The following RHBDL2 variants were observed in gnomAD, a reference collection of about 807,000 sequenced individuals.
RHBDL2 encodes rhomboid like 2.
In RHBDL2, 26 loss-of-function variants were observed where a neutral mutation model predicts 31.7. The ratio of observed to expected loss-of-function variants is 0.82; its 90% CI spans 0.60 to 1.14. RHBDL2 has a LOEUF of 1.14. Ranked by LOEUF, RHBDL2 falls within the 50% of genes most tolerant of loss-of-function variation. The probability of loss-of-function intolerance (pLI) is 0.00; values close to 1 mark genes in which losing one functional copy is unlikely to be tolerated. For synonymous variants in RHBDL2, 123 were observed against 127.2 expected, an observed-to-expected ratio of 0.97 and a Z score of 0.22; for missense variants, 336 against 364.4, an observed-to-expected ratio of 0.92 and a Z score of 0.63.
chr1:38,904,479 A>C (rs899045699), intron 4 of RHBDL2, among the ~76,000 whole-genome samples: 14 of 136,744 alleles, frequency 1.0e-4, no homozygotes, highest in African/African-American at 3.6e-4. Context: ...CTCAAAAAAA[A>C]AAGAAAAAAA....
At chr1:38,914,948 C>T (rs1270486462) in intron 3 of RHBDL2, among the ~76,000 whole-genome samples, 2 of 149,926 alleles carry the variant, frequency 1.3e-5, no homozygotes, top group East Asian at 4.2e-4. Flanking sequence ...AGAATCGCTC[C>T]AACCCAGGAG....
At chr1:38,912,910 A>ATATATATGTGTG (rs1399583863) in intron 3 of RHBDL2, among the ~76,000 whole-genome samples, 8 of 41,392 alleles carry the variant, frequency 1.9e-4, no homozygotes, top group African/African-American at 7.4e-4. Flanking sequence ...ATATATATAT[A>ATATATATGTGTG]TGTGTGTGTG....
intron 6 of RHBDL2, among the ~76,000 whole-genome samples, chr1:38,891,837 A>C (rs1312332571): frequency 6.6e-6 from 1 of 152,126 alleles, no homozygotes; most frequent in Non-Finnish European, 1.5e-5. Flanking sequence ...GACAGCCAAA[A>C]ACATCTTAGG....
chr1:38,929,858 G>A (rs1643422262), intron 1 of RHBDL2, among the ~76,000 whole-genome samples: 1 of 152,090 alleles, frequency 6.6e-6, no homozygotes, highest in Admixed American at 6.5e-5. Flanking sequence ...TGCTTTTTTA[G>A]CTACAGAAAT....
chr1:38,905,949 C>T (rs1027888360), intron 4 of RHBDL2, among the ~76,000 whole-genome samples: 1 of 151,662 alleles, frequency 6.6e-6, no homozygotes, highest in African/African-American at 2.4e-5. Context: ...CACCTGTAAT[C>T]CCAGCTACTT....
chr1:38,911,641 TGTGTGC>T (rs768144568), intron 3 of RHBDL2, among the ~76,000 whole-genome samples: 2,726 of 46,944 alleles, frequency 0.058, 40 homozygotes, highest in Non-Finnish European at 0.11. Flanking sequence ...TGTGTGTGTG[TGTGTGC>T]GCGCGCGCGC....
intron 4 of RHBDL2, among the ~76,000 whole-genome samples, chr1:38,899,388 T>A (rs897885666): frequency 1.3e-5 from 2 of 152,126 alleles, no homozygotes; most frequent in African/African-American, 4.8e-5. Flanking sequence ...ACCATCCCAA[T>A]AGCATGAACT....
chr1:38,933,850 T>A (rs1435719663), intron 1 of RHBDL2, among the ~76,000 whole-genome samples: 1 of 151,746 alleles, frequency 6.6e-6, no homozygotes, highest in Non-Finnish European at 1.5e-5. Flanking sequence ...TGCCTTAGCC[T>A]CCCAAGTAGC....
chr1:38,894,387 A>C (rs1359050887), intron 5 of RHBDL2, among the ~76,000 whole-genome samples: 1 of 152,024 alleles, frequency 6.6e-6, no homozygotes, highest in African/African-American at 2.4e-5. Flanking sequence ...CAGTGGCACA[A>C]TTTTGGCTCA....
chr1:38,900,783 C>T lies in RHBDL2; in HGVS notation c.509-4714G>A, dbSNP rs1240625172. ...AAAGCATTGGCCGGGCAAAGTGGCT[C>T]ATGCCTGTAATCCCAGCACTTTGGG... On this transcript the variant is annotated intron_variant, in intron 4 of 7. Transcript: ENST00000372990. Among the ~76,000 whole-genome samples, 4 of 152,246 alleles carry T rather than the reference C, an allele frequency of 2.6e-5. No homozygotes were observed. In the South Asian group the frequency reaches 6.2e-4, roughly 24 times the overall value.
At chr1:38,893,353 G>A (rs1415213102) in intron 5 of RHBDL2, 129 bp from the exon 6 acceptor site, 1 of 527,306 alleles carries the variant, frequency 1.9e-6, no homozygotes, top group African/African-American at 1.9e-5. Flanking sequence ...AACAAAGCAT[G>A]AGTGTCACAG....
At chr1:38,906,998 C>G (rs1643074824) in intron 4 of RHBDL2, among the ~76,000 whole-genome samples, 1 of 152,080 alleles carries the variant, frequency 6.6e-6, no homozygotes, top group South Asian at 2.1e-4. Context: ...ATTCTGATTT[C>G]AAAACTTATT....
intron 5 of RHBDL2, among the ~76,000 whole-genome samples, chr1:38,893,656 T>C (rs1302024212): frequency 6.6e-6 from 1 of 152,078 alleles, no homozygotes; most frequent in Non-Finnish European, 1.5e-5. Context: ...ATTACCTTAA[T>C]TTTTGAGGTA....
At chr1:38,929,310 G>C in intron 1 of RHBDL2, 1 of 978,258 alleles carries the variant, frequency 1.0e-6, no homozygotes. Flanking sequence ...CCACTGCTAC[G>C]ACGAGGACTC....
Position 38,919,226 on chromosome 1 carries a change from CCCT to C in RHBDL2, c.-17_-15del, listed in dbSNP as rs758380369. ...AACAGCAGCCATTGTCCTGGGTCCT[CCCT>C]CCTCCCCAGAAGGACATGAATCCCA... On this transcript the variant is annotated 5_prime_UTR_variant, in exon 2 of 8. Transcript: ENST00000372990. The C allele has an allele frequency of 1.9e-6, 3 of 1,614,094 alleles. No homozygotes were observed. The highest frequency in any genetic ancestry group is 1.6e-4 in the Middle Eastern group (1 of 6,062).
chr1:38,912,910 ATGTGTGTG>A (rs869081947), intron 3 of RHBDL2, among the ~76,000 whole-genome samples: 13 of 41,366 alleles, frequency 3.1e-4, no homozygotes, highest in South Asian at 2.0e-3. Flanking sequence ...ATATATATAT[ATGTGTGTG>A]TGTGTGTGTG....
chr1:38,911,051 T>G (rs570547752), intron 4 of RHBDL2, among the ~76,000 whole-genome samples: 1 of 152,106 alleles, frequency 6.6e-6, no homozygotes, highest in South Asian at 2.1e-4. Flanking sequence ...AGTGCTGGGA[T>G]TACAGGCAGG....
intron 2 of RHBDL2, 47 bp from the exon 3 acceptor site, chr1:38,915,757 A>C: frequency 6.2e-7 from 1 of 1,608,904 alleles, no homozygotes; most frequent in East Asian, 2.2e-5. Context: ...TTCTCCAGAG[A>C]GGGGCCCCAT....
At chr1:38,927,145 G>A (rs915034506) in intron 1 of RHBDL2, among the ~76,000 whole-genome samples, 6 of 150,784 alleles carry the variant, frequency 4.0e-5, no homozygotes, top group Non-Finnish European at 8.9e-5. Flanking sequence ...GCCTTCTACC[G>A]GGCAGGGCGC....
Sources: gnomAD v4.1 joint callset for allele counts (sites outside exome capture counted in the v4.1 genomes callset) on GRCh38, gnomAD v4.1.1 for gene constraint, MANE v1.5 for transcripts, NCBI Gene and HGNC (gene_info 2026-07-23, HGNC 2026-07-21) for gene names.